The following RNPS1 variants were observed in gnomAD, a reference collection of about 807,000 sequenced individuals.
The protein encoded by RNPS1 is RNA binding protein with serine rich domain 1.
For missense variants in RNPS1, 300 were observed against 427.6 expected (o/e 0.70, Z 2.63); for synonymous variants, 147 against 150.0 (o/e 0.98, Z 0.15).
At chr16:2,264,886 A>T (rs397810185) in intron 1 of RNPS1, 126 bp from the exon 2 acceptor site, 122 of 586,148 alleles carry the variant, frequency 2.1e-4, no homozygotes, top group Non-Finnish European at 3.1e-4. Context: ...GTGTCCACAC[A>T]GTCAGGAACA....
In RNPS1 at chr16:2,263,108, C is replaced by T. The variant is rs767560310; in HGVS notation, c.407G>A (p.Arg136His). Reference protein sequence around the residue: ...PSRRRHDNRRRSRSKSKPPKR... With the variant: ...PSRRRHDNRRHSRSKSKPPKR... The stretch of plus-strand genomic sequence containing the variant: ...GCAGGGCACTCACTTGGAGCGGGAG[C>T]GCCTCCTGTTGTCGTGTCTGCGCCG... The change falls in exon 4 of 8, where the codon CGC (arginine) becomes CAC (histidine). Residue 136 changes from arginine to histidine, a missense_variant. By Grantham distance (29) the Arg-to-His change is conservative. Coordinates refer to ENST00000320225, the MANE Select transcript of RNPS1 (RefSeq NM_080594.4). 24 of 1,612,348 alleles carry T rather than the reference C, an allele frequency of 1.5e-5. No individual in the cohort carries two copies. The highest frequency in any genetic ancestry group is 3.3e-5 in the South Asian group (3 of 91,016).
intron 5 of RNPS1, 116 bp from the exon 6 acceptor site, chr16:2,262,547 G>C: frequency 8.8e-7 from 1 of 1,135,642 alleles, no homozygotes; most frequent in Admixed American, 1.9e-5. Flanking sequence ...CATCTGATGA[G>C]TACCAGTGTT....
intron 6 of RNPS1, 48 bp downstream of exon 6, chr16:2,262,230 C>G (rs374666833): frequency 9.5e-6 from 15 of 1,573,768 alleles, no homozygotes; most frequent in Middle Eastern, 2.3e-4. Flanking sequence ...AAGCCCCTCG[C>G]GGCGGCGGGT....
intron 6 of RNPS1, among the ~76,000 whole-genome samples, chr16:2,261,109 G>A (rs2093601402): frequency 2.7e-5 from 4 of 150,352 alleles, no homozygotes; most frequent in Middle Eastern, 3.4e-3. Flanking sequence ...CAGCCTGGGC[G>A]ACAGAGCCAG....
chr16:2,260,586 A>G lies in RNPS1; in HGVS notation c.676+1692T>C, dbSNP rs2093599107. Among the ~76,000 whole-genome samples, 3 of 152,200 alleles carry G rather than the reference A, an allele frequency of 2.0e-5. No homozygotes were observed. The South Asian group carries it at 6.2e-4, about 32-fold the overall frequency. On this transcript the variant is annotated intron_variant, in intron 6 of 7. Transcript: ENST00000320225. ...TAAAACATGCCACTTTCTAATGGAC[A>G]AAAACCTCAAGTTATCTTGGAACCT...
chr16:2,254,128 G>A, intron 7 of RNPS1, 65 bp from the exon 8 acceptor site: 1 of 1,168,436 alleles, frequency 8.6e-7, no homozygotes, highest in East Asian at 2.8e-5. Flanking sequence ...GCTTCTTTCT[G>A]GGCAATTCCC....
At chr16:2,264,115 G>C in intron 3 of RNPS1, 61 bp downstream of exon 3, 1 of 1,579,218 alleles carries the variant, frequency 6.3e-7, no homozygotes. Flanking sequence ...AGCCATCTGT[G>C]GGGAGTGGGG....
In RNPS1 at chr16:2,264,169, GC is replaced by G. The variant is rs1555485445; in HGVS notation, c.227+6del. 6.2e-7 allele frequency: 1 copy of G among 1,612,346 alleles called. No individual in the cohort carries two copies. The highest frequency in any genetic ancestry group is 8.5e-7 in the Non-Finnish European group (1 of 1,180,000). ...TCCTCTCCAGGCTCCAGGCCAGCCC[GC>G]CCCACCTGGTACTGCTGCTACCACT... On this transcript the variant is annotated splice_donor_region_variant and intron_variant, in intron 3 of 7. Transcript: ENST00000320225.
Position 2,264,157 on chromosome 16 carries a change from C to T in RNPS1, c.227+19G>A. The T allele has an allele frequency of 1.2e-6, 2 of 1,612,170 alleles. No individual in the cohort carries two copies. The highest frequency in any genetic ancestry group is 1.7e-6 in the Non-Finnish European group (2 of 1,179,986). On this transcript the variant is annotated intron_variant, in intron 3 of 7. Coordinates refer to ENST00000320225, the MANE Select transcript of RNPS1 (RefSeq NM_080594.4). ...CTGTGGCACAGGTCCTCTCCAGGCT[C>T]CAGGCCAGCCCGCCCCACCTGGTAC... is the stretch of plus-strand genomic sequence containing the variant.
At chr16:2,266,065 T>C (rs775736051) in intron 1 of RNPS1, 72 of 969,282 alleles carry the variant, frequency 7.4e-5, no homozygotes, top group East Asian at 1.1e-4. Flanking sequence ...CAGGAGTTGT[T>C]AAGTGAAGAT....
rs1323002578 is a variant in RNPS1, at chr16:2,254,804, T to C, written c.819-741A>G. On this transcript the variant is annotated intron_variant, in intron 7 of 7. Coordinates refer to ENST00000320225, the MANE Select transcript of RNPS1 (RefSeq NM_080594.4). ...TTGCCCAGGCTGGAGTGCAGTGGCA[T>C]GATCTTGGCTCACTGCAAGCTCCAC... Among the ~76,000 whole-genome samples, 23 of 146,794 alleles carry C rather than the reference T, an allele frequency of 1.6e-4. 1 individual carries two copies. The South Asian group carries it at 1.7e-3, about 11-fold the overall frequency.
Position 2,262,852 on chromosome 16 carries a change from A to C in RNPS1, c.420-10T>G. 6.2e-7 allele frequency: 1 copy of C among 1,607,688 alleles called. No homozygotes were observed. The highest frequency in any genetic ancestry group is 8.5e-7 in the Non-Finnish European group (1 of 1,174,878). ...TTTAGGTGGTTTGGATCTGATTGAG[A>C]AAACAAAACACCAGAAACAATTTCT... On this transcript the variant is annotated splice_polypyrimidine_tract_variant and intron_variant, in intron 4 of 7. Transcript: ENST00000320225.
intron 6 of RNPS1, chr16:2,257,855 G>C (rs1046167203): frequency 2.0e-5 from 3 of 152,260 alleles, no homozygotes; most frequent in Non-Finnish European, 2.9e-5. Flanking sequence ...ACAGGGCCTC[G>C]GAAGACGGAA....
chr16:2,259,474 CTTT>C (rs1423268871), intron 6 of RNPS1, among the ~76,000 whole-genome samples: 2 of 152,228 alleles, frequency 1.3e-5, no homozygotes, highest in Non-Finnish European at 2.9e-5. Context: ...TGTTTTAATC[CTTT>C]TTAGAAGGTG....
chr16:2,255,635 C>T lies in RNPS1; in HGVS notation c.768G>A (p.Met256Ile). 1 of 1,609,912 alleles carries T rather than the reference C, an allele frequency of 6.2e-7. No individual in the cohort carries two copies. The highest frequency in any genetic ancestry group is 1.3e-5 in the African/African-American group (1 of 74,938). ...PPRRFSPPRR[M>I]LPPPPMWRRS... The stretch of plus-strand genomic sequence containing the variant: ...TGCGCCACATAGGCGGTGGTGGCAA[C>T]ATTCTCCTGGGAGGGCTGAATCTCC... Residue 256 changes from methionine to isoleucine, a missense_variant, in exon 7 of 8, where the codon ATG (methionine) becomes ATA (isoleucine). Transcript: ENST00000320225.
At chr16:2,258,499 AG>A (rs1305722167) in intron 6 of RNPS1, 1 of 151,466 alleles carries the variant, frequency 6.6e-6, no homozygotes, top group African/African-American at 2.4e-5. Context: ...TTGAGGCGAG[AG>A]GATCACCTGA....
chr16:2,266,107 C>T, intron 1 of RNPS1: 1 of 985,394 alleles, frequency 1.0e-6, no homozygotes, highest in Non-Finnish European at 1.2e-6. Context: ...ACTTCTGTCT[C>T]ACCTTCTCCA....
At position 2,253,711 on chromosome 16, in the gene RNPS1, C is replaced by G. The variant is rs1380557468; in HGVS notation, c.*253G>C. On this transcript the variant is annotated 3_prime_UTR_variant, in exon 8 of 8. Coordinates refer to ENST00000320225, the MANE Select transcript of RNPS1 (RefSeq NM_080594.4). The stretch of plus-strand genomic sequence containing the variant: ...TTTCCCTGGTGGCTCTGCCACTGAA[C>G]TGACTCTTAGAAACCGGAAACGGAT... 3.3e-6 allele frequency: 2 copies of G among 607,384 alleles called. No homozygotes were observed. Among genetic ancestry groups the G allele is most frequent in the African/African-American group, 1.9e-5 (1 of 53,776 alleles). 37.6% of individuals were successfully genotyped at this position (607,384 alleles called of 1,614,324 possible). A position where few individuals can be genotyped will look rare whatever the true frequency, so the allele number is the denominator to read the frequency against.
intron 3 of RNPS1, 138 bp downstream of exon 3, chr16:2,264,038 G>A: frequency 1.9e-6 from 2 of 1,052,184 alleles, no homozygotes; most frequent in African/African-American, 3.2e-5. Context: ...TAGCCAGTCT[G>A]CCATAAATTA....
Sources: allele counts gnomAD v4.1 joint callset (sites outside exome capture counted in the v4.1 genomes callset), GRCh38; gene constraint gnomAD v4.1.1; transcripts MANE v1.5; gene names NCBI Gene and HGNC (gene_info 2026-07-23, HGNC 2026-07-21).